Variants in FHDC1 observed in about 807,000 individuals in gnomAD.
FHDC1 encodes FH2 domain-containing protein 1.
FHDC1 carries 25 observed loss-of-function variants against 52.6 expected under a neutral mutation model. That is an observed-to-expected ratio of 0.48 (90% CI 0.35 to 0.66). The LOEUF (loss-of-function observed/expected upper bound fraction) is 0.66. Among genes scored for constraint, FHDC1 ranks in the 30% least tolerant of loss-of-function variants. FHDC1 has a pLI of 0.01. For missense variants in FHDC1, 1,459 were observed against 1,452.8 expected (o/e 1.00, Z -0.07); for synonymous variants, 616 against 581.5 (o/e 1.06, Z -0.85).
At chr4:152,939,424 G>A (rs1173429039) in intron 1 of FHDC1, among the ~76,000 whole-genome samples, 4 of 152,082 alleles carry the variant, frequency 2.6e-5, no homozygotes, top group Non-Finnish European at 4.4e-5. Flanking sequence ...GTGAGCCACC[G>A]CGCCTGGCCG....
chr4:152,945,056 G>A (rs1023028830), intron 2 of FHDC1, among the ~76,000 whole-genome samples: 5 of 152,222 alleles, frequency 3.3e-5, no homozygotes, highest in African/African-American at 1.2e-4. Flanking sequence ...TAATAGAAGA[G>A]GGCTAGCTCA....
At position 152,975,250 on chromosome 4, in the gene FHDC1, G is replaced by A. The variant is rs201683539; in HGVS notation, c.1959G>A (p.Val653=). Residue 653 remains valine, a synonymous_variant, in exon 12 of 12, where the codon GTG becomes GTA. Transcript: ENST00000511601. ...SVLRKRYSEP[V]SLGSAQSPPL... Reference sequence around the variant, plus strand: ...TCCGAAAGAGGTACAGTGAGCCGGTGAGCCTGGGCTCAGCACAGTCCCCTC... The same window carrying A: ...TCCGAAAGAGGTACAGTGAGCCGGTAAGCCTGGGCTCAGCACAGTCCCCTC... 3.3e-4 allele frequency: 529 copies of A among 1,613,460 alleles called. 3 individuals carry two copies. The highest frequency in any genetic ancestry group is 1.9e-5 in the Non-Finnish European group (22 of 1,180,046).
intron 10 of FHDC1, 128 bp from the exon 11 acceptor site, chr4:152,972,248 TA>T: frequency 1.1e-6 from 1 of 947,638 alleles, no homozygotes; most frequent in Non-Finnish European, 1.5e-6. Flanking sequence ...GGCCTTGCAA[TA>T]AACCTTCCTT....
At position 152,975,092 on chromosome 4, in the gene FHDC1, A is replaced by G. The variant is rs762697664; in HGVS notation, c.1801A>G (p.Lys601Glu). 1 of 1,612,604 alleles carries G rather than the reference A, an allele frequency of 6.2e-7. No individual in the cohort carries two copies. The highest frequency in any genetic ancestry group is 2.2e-5 in the East Asian group (1 of 44,864). The change falls in exon 12 of 12, where the codon AAA becomes GAA. Residue 601 changes from lysine to glutamate, a missense_variant. By Grantham distance (56) the Lys-to-Glu change is moderately conservative. This residue lies in a region of FHDC1 where 939 missense variants were observed against 854.5 expected (regional missense o/e 1.10). Coordinates refer to ENST00000511601, the MANE Select transcript of FHDC1 (RefSeq NM_001371116.1). ...GCACCAGGACTCCAGCTTTGCACAC[A>G]AACCTCAGGCCTCGGGGGGCCAGGA... ...VRHQDSSFAH[K>E]PQASGGQEEA...
intron 2 of FHDC1, among the ~76,000 whole-genome samples, chr4:152,950,355 C>A (rs929388465): frequency 3.9e-5 from 6 of 152,204 alleles, no homozygotes; most frequent in Non-Finnish European, 7.3e-5. Context: ...GAAAGAGACT[C>A]CTCAGACACC....
chr4:152,916,332 C>CA, the FHDC1 span, among the ~76,000 whole-genome samples: 1 of 152,106 alleles, frequency 6.6e-6, no homozygotes, highest in Non-Finnish European at 1.5e-5. Context: ...ATTAGGAATG[C>CA]ATGCCTAAAC....
At chr4:152,921,389 A>T in the FHDC1 span, among the ~76,000 whole-genome samples, 2 of 152,136 alleles carry the variant, frequency 1.3e-5, no homozygotes, top group Non-Finnish European at 2.9e-5. Flanking sequence ...GGATTTATTC[A>T]TCACATTTAT....
intron 10 of FHDC1, among the ~76,000 whole-genome samples, chr4:152,970,098 C>G (rs1740598436): frequency 1.3e-5 from 2 of 152,180 alleles, no homozygotes; most frequent in Non-Finnish European, 1.5e-5. Flanking sequence ...TCTCTGAACA[C>G]CAGTCTGAAT....
chr4:152,937,537 C>G (rs1739426264), intron 1 of FHDC1, among the ~76,000 whole-genome samples: 1 of 151,850 alleles, frequency 6.6e-6, no homozygotes, highest in Non-Finnish European at 1.5e-5. Flanking sequence ...CGAGCGGGTG[C>G]GGCGGCCGAC....
rs543218656 is a variant in FHDC1 at position 152,962,837 on chromosome 4, C to T, written c.874C>T (p.His292Tyr). Residue 292 changes from histidine (H) to tyrosine (Y), a missense_variant, in exon 7 of 12, where the codon CAT becomes TAT. By Grantham distance (83) the His-to-Tyr change is moderately conservative. Transcript: ENST00000511601. ...IKELMSCEELHSILHLVLQAG... is the reference protein window; with the variant it reads ...IKELMSCEELYSILHLVLQAG... Reference sequence around the variant, plus strand: ...AGAACTGATGTCATGTGAAGAGCTACATTCAATATTACACTTGGTGCTCCA... The same window carrying T: ...AGAACTGATGTCATGTGAAGAGCTATATTCAATATTACACTTGGTGCTCCA... 3 of 1,613,984 alleles carry T rather than the reference C, an allele frequency of 1.9e-6. No homozygotes were observed. Among genetic ancestry groups the T allele is most frequent in the African/African-American group, 1.3e-5 (1 of 74,998 alleles).
Position 152,977,582 on chromosome 4 carries a change from A to G in FHDC1, c.*859A>G, listed in dbSNP as rs1330798936. 6.6e-6 allele frequency: 1 copy of G among 151,808 alleles called. No individual in the cohort carries two copies. Among genetic ancestry groups the G allele is most frequent in the African/African-American group, 2.4e-5 (1 of 41,276 alleles). 9.4% of individuals were successfully genotyped at this position (151,808 alleles called of 1,614,324 possible). A position where few individuals can be genotyped will look rare whatever the true frequency, so the allele number is the denominator to read the frequency against. ...CTCAGCCTCCCTCAGAGCTGGGACT[A>G]CAGGCGTGCACCACCACGCCTGGTT... On this transcript the variant is annotated 3_prime_UTR_variant, in exon 12 of 12. Coordinates refer to ENST00000511601, the MANE Select transcript of FHDC1 (RefSeq NM_001371116.1).
In FHDC1 at chr4:152,961,330, G is replaced by A. The variant is rs754711676; in HGVS notation, c.850+486G>A. 3.5e-4 allele frequency among the ~76,000 whole-genome samples: 54 copies of A among 152,144 alleles called. 1 individual carries two copies. Among genetic ancestry groups the A allele is most frequent in the African/African-American group, 2.4e-5 (1 of 41,418 alleles). On this transcript the variant is annotated intron_variant, in intron 6 of 11. Coordinates refer to ENST00000511601, the MANE Select transcript of FHDC1 (RefSeq NM_001371116.1). ...TGACTCTTCTGCCAGGGTTCCTGAC[G>A]TTTCTGTTCTGTGGTGTCGTCTCCC... is the stretch of plus-strand genomic sequence containing the variant.
At chr4:152,912,024 G>A in the FHDC1 span, 1 of 152,262 alleles carries the variant, frequency 6.6e-6, no homozygotes, top group Non-Finnish European at 1.5e-5. Context: ...ACTTATAATT[G>A]TTTTAGCTCA....
Position 152,943,527 on chromosome 4 carries a change from A to T in FHDC1, c.470A>T (p.Asn157Ile), listed in dbSNP as rs750219235. 4.3e-6 allele frequency: 7 copies of T among 1,613,590 alleles called. No homozygotes were observed. The South Asian group carries it at 7.7e-5, about 18-fold the overall frequency. Reference sequence around the variant, plus strand: ...CTTCCTAGGAGAGGAAGAACTTTAAATTCATCCTTCAGAGAAGCTCGAGAA... The same window carrying T: ...CTTCCTAGGAGAGGAAGAACTTTAATTTCATCCTTCAGAGAAGCTCGAGAA... ...SSLPRRGRTLNSSFREAREEI... is the reference protein window; with the variant it reads ...SSLPRRGRTLISSFREAREEI... The change falls in exon 2 of 12, where the codon AAT becomes ATT. Residue 157 changes from asparagine to isoleucine, a missense_variant. Transcript: ENST00000511601.
chr4:152,960,708 C>T (rs1452271430), intron 5 of FHDC1, 36 bp from the exon 6 acceptor site: 3 of 1,610,092 alleles, frequency 1.9e-6, no homozygotes, highest in African/African-American at 2.7e-5. Flanking sequence ...AAACTAATGA[C>T]ATCAAATTCT....
At chr4:152,937,748 C>A (rs1739437708) in intron 1 of FHDC1, among the ~76,000 whole-genome samples, 1 of 152,034 alleles carries the variant, frequency 6.6e-6, no homozygotes. Flanking sequence ...CGACGCCCTT[C>A]TGCCCGGCGC....
At chr4:152,974,588 T>G in intron 11 of FHDC1, 87 bp from the exon 12 acceptor site, 1 of 1,476,962 alleles carries the variant, frequency 6.8e-7, no homozygotes, top group South Asian at 1.6e-5. Flanking sequence ...GCCTGTATCT[T>G]TCTTTGGCTC....
At chr4:152,961,402 G>A (rs1740276960) in intron 6 of FHDC1, among the ~76,000 whole-genome samples, 1 of 152,158 alleles carries the variant, frequency 6.6e-6, no homozygotes, top group Non-Finnish European at 1.5e-5. Flanking sequence ...ATTTGAGAGG[G>A]GCAGATAGGC....
chr4:152,952,744 T>C (rs965876891), intron 2 of FHDC1, among the ~76,000 whole-genome samples: 2 of 152,182 alleles, frequency 1.3e-5, no homozygotes, highest in Non-Finnish European at 2.9e-5. Context: ...ACTAATCCCC[T>C]GTGATACTAA....
Sources: gnomAD v4.1 joint callset for allele counts (sites outside exome capture counted in the v4.1 genomes callset) on GRCh38, gnomAD v4.1.1 for gene constraint, gnomAD v4.1.1 regional missense constraint, MANE v1.5 for transcripts, NCBI Gene and HGNC (gene_info 2026-07-23, HGNC 2026-07-21) for gene names.